ABCC1: variants seen among roughly 807,000 people sequenced by gnomAD.
The protein encoded by ABCC1 is ATP binding cassette subfamily C member 1 (ABCC1 blood group).
A neutral mutation model predicts 172.9 loss-of-function variants in ABCC1; 83 were observed. That is an observed-to-expected ratio of 0.48 (90% CI 0.40 to 0.58). The LOEUF is 0.58. Among genes scored for constraint, ABCC1 ranks in the 20% least tolerant of loss-of-function variants. The probability of loss-of-function intolerance (pLI) is 0.00; values close to 1 mark genes in which losing one functional copy is unlikely to be tolerated. For synonymous variants in ABCC1, 937 were observed against 825.2 expected, an observed-to-expected ratio of 1.14 and a Z score of -2.32; for missense variants, 1,817 against 2,002.7, an observed-to-expected ratio of 0.91 and a Z score of 1.77.
At chr16:15,993,751 C>T (rs895473506) in intron 1 of ABCC1, among the ~76,000 whole-genome samples, 9 of 1,938 alleles carry the variant, frequency 4.6e-3, no homozygotes, top group East Asian at 0.018. Context: ...TGCTCACATG[C>T]GGGGGTGGGT....
In ABCC1 at chr16:16,141,345, C is replaced by A; in HGVS notation, c.*64C>A. ...TATATGCCAGCGCCCAGGGAGGAGTCAGTACCCCTGGTAAACCAAGCCTCC... is the reference window on the plus strand; with the variant it reads ...TATATGCCAGCGCCCAGGGAGGAGTAAGTACCCCTGGTAAACCAAGCCTCC... On this transcript the variant is annotated 3_prime_UTR_variant, in exon 31 of 31. Coordinates refer to ENST00000399410, the MANE Select transcript of ABCC1 (RefSeq NM_004996.4). 1 of 1,467,044 alleles carries A rather than the reference C, an allele frequency of 6.8e-7. No individual in the cohort carries two copies. Among genetic ancestry groups the A allele is most frequent in the Non-Finnish European group, 9.5e-7 (1 of 1,055,500 alleles). 90.9% of individuals were successfully genotyped at this position (1,467,044 alleles called of 1,614,324 possible).
rs552497256 is a variant in ABCC1, at chr16:15,975,712, A to G, written c.48+25913A>G. Among the ~76,000 whole-genome samples, 3 of 151,612 alleles carry G rather than the reference A, an allele frequency of 2.0e-5. No homozygotes were observed. In the East Asian group the frequency reaches 6.0e-4, roughly 30 times the overall value. On this transcript the variant is annotated intron_variant, in intron 1 of 30. Coordinates refer to ENST00000399410, the MANE Select transcript of ABCC1 (RefSeq NM_004996.4). Reference sequence around the variant, plus strand: ...GCTGGGATTACAGGCATGCGCCACCATCTCTGGCTAATTTTGAATTTTTAT... The same window carrying G: ...GCTGGGATTACAGGCATGCGCCACCGTCTCTGGCTAATTTTGAATTTTTAT...
At chr16:15,974,048 T>G (rs1203247395) in intron 1 of ABCC1, among the ~76,000 whole-genome samples, 2 of 152,090 alleles carry the variant, frequency 1.3e-5, no homozygotes, top group Non-Finnish European at 2.9e-5. Context: ...AGGACACAGC[T>G]TATTGACCCT....
Position 16,130,229 on chromosome 16 carries a change from C to T in ABCC1, c.3820-1560C>T, listed in dbSNP as rs2045620565. 2.6e-5 allele frequency among the ~76,000 whole-genome samples: 4 copies of T among 152,302 alleles called. No homozygotes were observed. The South Asian group carries it at 6.2e-4, about 24-fold the overall frequency. On this transcript the variant is annotated intron_variant, in intron 26 of 30. Coordinates refer to ENST00000399410, the MANE Select transcript of ABCC1 (RefSeq NM_004996.4). ...ACTGCGATACAGATGCTGCTTTTATCCTTGCCTTCCTGCCGGGGTGGGCAG... is the reference window on the plus strand; with the variant it reads ...ACTGCGATACAGATGCTGCTTTTATTCTTGCCTTCCTGCCGGGGTGGGCAG...
chr16:16,128,910 G>T (rs886837529), intron 26 of ABCC1, among the ~76,000 whole-genome samples: 2 of 152,164 alleles, frequency 1.3e-5, no homozygotes, highest in South Asian at 4.1e-4. Context: ...TGGGAGGATC[G>T]CTGGAACCCG....
At chr16:16,118,663 A>G (rs1158980110) in intron 23 of ABCC1, among the ~76,000 whole-genome samples, 1 of 152,008 alleles carries the variant, frequency 6.6e-6, no homozygotes, top group Non-Finnish European at 1.5e-5. Context: ...TTTTTCAACA[A>G]CAAAGGAAAT....
chr16:16,016,700 A>C, intron 5 of ABCC1, 79 bp downstream of exon 5: 2 of 1,575,866 alleles, frequency 1.3e-6, no homozygotes, highest in Non-Finnish European at 1.7e-6. Flanking sequence ...AACATTTCTT[A>C]GATCCATCCA....
chr16:16,126,485 G>A (rs2045443155), intron 26 of ABCC1, among the ~76,000 whole-genome samples: 1 of 152,166 alleles, frequency 6.6e-6, no homozygotes, highest in Non-Finnish European at 1.5e-5. Context: ...CCAGGTTCAA[G>A]TAATTCTCCT....
intron 23 of ABCC1, among the ~76,000 whole-genome samples, chr16:16,116,116 G>A (rs1282697618): frequency 6.6e-6 from 1 of 152,068 alleles, no homozygotes; most frequent in Non-Finnish European, 1.5e-5. Flanking sequence ...ATGTTAGCCA[G>A]GATGGTCTCA....
chr16:16,131,932 A>G lies in ABCC1; in HGVS notation c.3963A>G (p.Glu1321=). 1.2e-6 allele frequency: 2 copies of G among 1,613,718 alleles called. No individual in the cohort carries two copies. Among genetic ancestry groups the G allele is most frequent in the Admixed American group, 3.3e-5 (2 of 59,938 alleles). The change falls in exon 27 of 31, where the codon GAA becomes GAG. Residue 1321 remains glutamate (E), a synonymous_variant. Transcript: ENST00000399410. ...TCAATGTCACGATCAATGGGGGAGA[A>G]AAGGTGGGTACACATCGCCCCATTC... is the stretch of plus-strand genomic sequence containing the variant. The part of the protein sequence containing the change: ...RHINVTINGG[E]KVGIVGRTGA...
At chr16:16,136,720 G>A (rs2045931420) in intron 29 of ABCC1, 76 bp downstream of exon 29, 2 of 1,495,720 alleles carry the variant, frequency 1.3e-6, no homozygotes, top group African/African-American at 2.8e-5. Flanking sequence ...TGAAGATTCT[G>A]TCCAGATCTG....
At chr16:16,030,188 T>G (rs538890858) in intron 5 of ABCC1, among the ~76,000 whole-genome samples, 13 of 152,190 alleles carry the variant, frequency 8.5e-5, no homozygotes, top group Non-Finnish European at 1.6e-4. Context: ...CAACATCAGA[T>G]GTTTCTCTTT....
At chr16:16,129,463 A>G (rs2045586412) in intron 26 of ABCC1, among the ~76,000 whole-genome samples, 1 of 152,146 alleles carries the variant, frequency 6.6e-6, no homozygotes, top group African/African-American at 2.4e-5. Flanking sequence ...ATCCTGGGCA[A>G]CATGGTGAGA....
At position 16,124,806 on chromosome 16, in the gene ABCC1, T is replaced by A. The variant is rs2045361676; in HGVS notation, c.3608T>A (p.Leu1203Gln). Reference sequence around the variant, plus strand: ...TGGCGCAGGTGGCTGGCCGTGCGGCTGGAGTGTGTGGGCAACTGCATCGTT... The same window carrying A: ...TGGCGCAGGTGGCTGGCCGTGCGGCAGGAGTGTGTGGGCAACTGCATCGTT... Reference protein sequence around the residue: ...IVANRWLAVRLECVGNCIVLF... With the variant: ...IVANRWLAVRQECVGNCIVLF... The change falls in exon 25 of 31, where the codon CTG becomes CAG. Residue 1203 changes from leucine to glutamine, a missense_variant. By Grantham distance (113) the Leu-to-Gln change is moderately radical. Coordinates refer to ENST00000399410, the MANE Select transcript of ABCC1 (RefSeq NM_004996.4). 6.2e-7 allele frequency: 1 copy of A among 1,614,178 alleles called. No homozygotes were observed. The highest frequency in any genetic ancestry group is 8.5e-7 in the Non-Finnish European group (1 of 1,180,032).
chr16:16,008,612 T>G (rs968797368), intron 2 of ABCC1, among the ~76,000 whole-genome samples: 1 of 151,648 alleles, frequency 6.6e-6, no homozygotes, highest in Non-Finnish European at 1.5e-5. Context: ...CCCAGCACTT[T>G]GGGAGGCCAA....
At chr16:16,120,099 A>C (rs1259246545) in intron 23 of ABCC1, among the ~76,000 whole-genome samples, 1 of 152,036 alleles carries the variant, frequency 6.6e-6, no homozygotes, top group African/African-American at 2.4e-5. Flanking sequence ...CCGTGCCGCC[A>C]CCCAGGAAGA....
intron 24 of ABCC1, 151 bp downstream of exon 24, chr16:16,122,325 C>G: frequency 2.5e-6 from 2 of 806,130 alleles, no homozygotes; most frequent in Non-Finnish European, 3.9e-6. Context: ...GCGCGGAGGA[C>G]AGATGAATCA....
Position 16,124,891 on chromosome 16 carries a change from C to A in ABCC1, c.3693C>A (p.Gly1231=). The stretch of plus-strand genomic sequence containing the variant: ...ACAGCCTCAGTGCTGGCTTGGTGGG[C>A]CTCTCAGTGTCTTACTCATTGCAGG... ...SRHSLSAGLV[G]LSVSYSLQVT... Residue 1231 remains glycine, a synonymous_variant, in exon 25 of 31, where the codon GGC becomes GGA. Coordinates refer to ENST00000399410, the MANE Select transcript of ABCC1 (RefSeq NM_004996.4). 6.2e-7 allele frequency: 1 copy of A among 1,614,152 alleles called. No individual in the cohort carries two copies. The highest frequency in any genetic ancestry group is 8.5e-7 in the Non-Finnish European group (1 of 1,180,026).
chr16:15,961,578 A>G (rs1318770849), intron 1 of ABCC1, among the ~76,000 whole-genome samples: 1 of 152,152 alleles, frequency 6.6e-6, no homozygotes, highest in East Asian at 1.9e-4. Context: ...TTTTCGAGAA[A>G]AGTTTCAAGT....
Sources: allele counts gnomAD v4.1 joint callset (sites outside exome capture counted in the v4.1 genomes callset), GRCh38; gene constraint gnomAD v4.1.1; transcripts MANE v1.5; gene names NCBI Gene and HGNC (gene_info 2026-07-23, HGNC 2026-07-21).